The following PDE2A variants were observed in gnomAD, a reference collection of about 807,000 sequenced individuals.
PDE2A encodes the protein phosphodiesterase 2A, also known as cGMP-dependent 3',5'-cyclic phosphodiesterase.
In PDE2A, 53 loss-of-function variants were observed where a neutral mutation model predicts 133.6. The observed-to-expected ratio is 0.40, with a 90% CI of 0.32 to 0.50. The LOEUF (loss-of-function observed/expected upper bound fraction) is 0.50. Ranked by LOEUF, PDE2A falls within the 20% of genes least tolerant of loss-of-function variation. The pLI is 0.73. For synonymous variants in PDE2A, 491 were observed against 490.2 expected, an observed-to-expected ratio of 1.00 and a Z score of -0.02; for missense variants, 796 against 1,232.4, an observed-to-expected ratio of 0.65 and a Z score of 5.30.
chr11:72,648,394 C>T (rs572230150), intron 1 of PDE2A, among the ~76,000 whole-genome samples: 1 of 152,276 alleles, frequency 6.6e-6, no homozygotes, highest in Non-Finnish European at 1.5e-5. Flanking sequence ...GATGTGGCCA[C>T]GGGCAGGTGC....
At position 72,626,810 on chromosome 11, in the gene PDE2A, C is replaced by A. The variant is rs544324205; in HGVS notation, c.144+15444G>T. 5.9e-5 allele frequency among the ~76,000 whole-genome samples: 9 copies of A among 152,332 alleles called. 1 individual carries two copies. Among genetic ancestry groups the A allele is most frequent in the South Asian group, 4.1e-4 (2 of 4,832 alleles). On this transcript the variant is annotated intron_variant, in intron 2 of 30. Transcript: ENST00000334456. ...GCCTCACCCTGACTCTGGCACCAAG[C>A]CTTCCTCAGCCCAGCACTCATGGGC...
At chr11:72,582,348 ACT>A in intron 21 of PDE2A, 94 bp downstream of exon 21, 7 of 1,241,194 alleles carry the variant, frequency 5.6e-6, no homozygotes, top group Non-Finnish European at 8.0e-6. Context: ...TTCCTTGATG[ACT>A]CTGTCTTCCC....
At chr11:72,603,040 G>A (rs1318155003) in intron 4 of PDE2A, among the ~76,000 whole-genome samples, 2 of 152,220 alleles carry the variant, frequency 1.3e-5, no homozygotes, top group African/African-American at 4.8e-5. Flanking sequence ...TTTTCAGGTA[G>A]CAGCTGAGCC....
At chr11:72,671,291 A>C (rs1441760152) in intron 1 of PDE2A, among the ~76,000 whole-genome samples, 2 of 152,200 alleles carry the variant, frequency 1.3e-5, no homozygotes, top group Non-Finnish European at 2.9e-5. Context: ...GTGGGCACCA[A>C]GCAGCTACTG....
chr11:72,631,508 G>C (rs1858381061), intron 2 of PDE2A, among the ~76,000 whole-genome samples: 1 of 152,142 alleles, frequency 6.6e-6, no homozygotes, highest in Non-Finnish European at 1.5e-5. Context: ...TGTAAAATGG[G>C]ATCCGTAATG....
chr11:72,588,099 G>C (rs1466435225), intron 13 of PDE2A: 1 of 152,324 alleles, frequency 6.6e-6, no homozygotes, highest in African/African-American at 2.4e-5. Context: ...GCCAGCCCAA[G>C]TGTGAACCTG....
intron 1 of PDE2A, among the ~76,000 whole-genome samples, chr11:72,644,726 T>TTATTTTATTA (rs1859082014): frequency 4.9e-5 from 1 of 20,228 alleles, no homozygotes; most frequent in African/African-American, 2.1e-4. Context: ...GTTATTTTAT[T>TTATTTTATTA]TATTTTATTT....
At chr11:72,632,719 C>A (rs1858468347) in intron 2 of PDE2A, among the ~76,000 whole-genome samples, 1 of 152,108 alleles carries the variant, frequency 6.6e-6, no homozygotes, top group South Asian at 2.1e-4. Context: ...AGGGACAGCC[C>A]CCTCCCCTCC....
At chr11:72,603,951 A>G (rs1856862608) in intron 4 of PDE2A, among the ~76,000 whole-genome samples, 1 of 152,224 alleles carries the variant, frequency 6.6e-6, no homozygotes, top group Admixed American at 6.5e-5. Flanking sequence ...AGCATCCTCA[A>G]ACAGGAATTC....
At chr11:72,664,011 G>T (rs1409172358) in intron 1 of PDE2A, among the ~76,000 whole-genome samples, 1 of 152,224 alleles carries the variant, frequency 6.6e-6, no homozygotes, top group Admixed American at 6.5e-5. Context: ...TTCTGCCAGT[G>T]AGGGTCAGGG....
intron 2 of PDE2A, among the ~76,000 whole-genome samples, chr11:72,621,535 G>T (rs1407098068): frequency 6.6e-6 from 1 of 152,194 alleles, no homozygotes; most frequent in African/African-American, 2.4e-5. Context: ...AGTCATTTCA[G>T]GGTCCACAGC....
intron 4 of PDE2A, among the ~76,000 whole-genome samples, chr11:72,599,963 T>C (rs539437763): frequency 3.2e-4 from 49 of 152,286 alleles, no homozygotes; most frequent in African/African-American, 1.0e-3. Flanking sequence ...GACATCTGAG[T>C]TGAGTCCTAA....
intron 1 of PDE2A, among the ~76,000 whole-genome samples, chr11:72,650,876 TACACACACACACAC>T (rs58905066): frequency 0.015 from 1,969 of 130,372 alleles, 18 homozygotes; most frequent in Admixed American, 0.02. Context: ...CAGTCCCCAC[TACACACACACACAC>T]ACACACACAC....
At chr11:72,659,446 C>T (rs7933910) in intron 1 of PDE2A, 3,099 of 151,814 alleles carry the variant, frequency 0.02, 85 homozygotes, top group African/African-American at 0.072. Context: ...TCCACCCCCA[C>T]CTTGCACAGA....
intron 1 of PDE2A, among the ~76,000 whole-genome samples, chr11:72,644,316 C>T (rs1859067848): frequency 6.6e-6 from 1 of 152,334 alleles, no homozygotes; most frequent in Admixed American, 6.5e-5. Context: ...ATTCATCCTA[C>T]TTATTAACAC....
Position 72,591,309 on chromosome 11 carries a change from C to G in PDE2A, c.537G>C (p.Ala179=), listed in dbSNP as rs200300128. 6 of 1,613,584 alleles carry G rather than the reference C, an allele frequency of 3.7e-6. No homozygotes were observed. Among genetic ancestry groups the G allele is most frequent in the South Asian group, 1.1e-5 (1 of 91,072 alleles). The change falls in exon 7 of 31, where the codon GCG becomes GCC. Residue 179 remains alanine (A), a synonymous_variant. Transcript: ENST00000334456. ...CACTCCCACTCACATGCTTCTCCACCGCCTGCAGGCTCCATTCCTCATTAT... is the reference window on the plus strand; with the variant it reads ...CACTCCCACTCACATGCTTCTCCACGGCCTGCAGGCTCCATTCCTCATTAT... ...LSDNEEWSLQ[A]VEKHTLVALR...
intron 4 of PDE2A, among the ~76,000 whole-genome samples, chr11:72,604,324 A>G (rs1488362425): frequency 1.3e-5 from 2 of 152,160 alleles, no homozygotes; most frequent in African/African-American, 2.4e-5. Flanking sequence ...TCTGCCTCAT[A>G]CCTGGCATGT....
chr11:72,641,382 C>T (rs76746560), intron 2 of PDE2A, among the ~76,000 whole-genome samples: 3,489 of 152,272 alleles, frequency 0.023, 137 homozygotes, highest in African/African-American at 0.079. Context: ...AGCCTGCCCC[C>T]TCCTCACCAC....
intron 27 of PDE2A, 91 bp from the exon 28 acceptor site, chr11:72,579,100 AG>A (rs1855595487): frequency 1.9e-6 from 2 of 1,066,708 alleles, no homozygotes; most frequent in Non-Finnish European, 1.4e-6. Context: ...AGAGCGGTCC[AG>A]GGAATTGGGC....
Sources: gnomAD v4.1 joint callset for allele counts (sites outside exome capture counted in the v4.1 genomes callset) on GRCh38, gnomAD v4.1.1 for gene constraint, MANE v1.5 for transcripts, NCBI Gene and HGNC (gene_info 2026-07-23, HGNC 2026-07-21) for gene names.